Variants in PLXNA2 observed in about 807,000 individuals in gnomAD.
PLXNA2 encodes the protein plexin A2, also known as plexin-A2.
PLXNA2 carries 91 observed loss-of-function variants against 193.5 expected under a neutral mutation model. That is an observed-to-expected ratio of 0.47 (90% CI 0.40 to 0.56). The LOEUF is 0.56. PLXNA2 is among the 20% of genes least tolerant of loss of function. The pLI, the probability that PLXNA2 is intolerant of heterozygous loss-of-function variation, is 0.00. For synonymous variants in PLXNA2, 997 were observed against 1,027.3 expected, an observed-to-expected ratio of 0.97 and a Z score of 0.56; for missense variants, 1,995 against 2,503.2, an observed-to-expected ratio of 0.80 and a Z score of 4.33.
At position 208,033,490 on chromosome 1, in the gene PLXNA2, C is replaced by G; in HGVS notation, c.4884G>C (p.Thr1628=). Residue 1628 remains threonine, a synonymous_variant, in exon 28 of 32, where the codon ACG becomes ACC. Coordinates refer to ENST00000367033, the MANE Select transcript of PLXNA2 (RefSeq NM_025179.4). ...ISRYDSSFRY[T]GSPDSLRSRA... is the part of the protein sequence containing the mutation. ...GGGACCGCAGGCTGTCGGGGCTGCC[C>G]GTATACCTGAAGGAGGAGTCTGAGG... The G allele has an allele frequency of 1.2e-6, 2 of 1,610,426 alleles. No homozygotes were observed. Among genetic ancestry groups the G allele is most frequent in the Non-Finnish European group, 1.7e-6 (2 of 1,177,752 alleles).
At chr1:208,180,649 G>A (rs1407555030) in intron 3 of PLXNA2, among the ~76,000 whole-genome samples, 1 of 152,212 alleles carries the variant, frequency 6.6e-6, no homozygotes. Flanking sequence ...ACTCCGTTTG[G>A]CAGACGAGGA....
intron 12 of PLXNA2, among the ~76,000 whole-genome samples, chr1:208,063,894 C>T (rs1488844456): frequency 6.6e-6 from 1 of 152,202 alleles, no homozygotes; most frequent in East Asian, 1.9e-4. Context: ...AGGCCCCTCT[C>T]CTGAGCTCCA....
intron 13 of PLXNA2, among the ~76,000 whole-genome samples, chr1:208,055,606 G>A (rs1190043402): frequency 7.9e-5 from 12 of 152,090 alleles, no homozygotes; most frequent in Admixed American, 7.9e-4. Flanking sequence ...GCTTAGTGGG[G>A]AGTCAGAAAA....
intron 1 of PLXNA2, among the ~76,000 whole-genome samples, chr1:208,233,144 T>A (rs1671742738): frequency 1.3e-5 from 2 of 152,262 alleles, no homozygotes; most frequent in African/African-American, 4.8e-5. Context: ...TTTGCAATAC[T>A]TATTTGTGAC....
intron 12 of PLXNA2, among the ~76,000 whole-genome samples, chr1:208,067,344 C>T (rs867996975): frequency 8.6e-6 from 1 of 116,310 alleles, no homozygotes; most frequent in African/African-American, 3.4e-5. Context: ...AACTCCGTCT[C>T]AAAAAAAAAA....
intron 3 of PLXNA2, among the ~76,000 whole-genome samples, chr1:208,163,200 G>A (rs1464369102): frequency 6.6e-6 from 1 of 152,070 alleles, no homozygotes; most frequent in East Asian, 1.9e-4. Context: ...GGGATGTAGG[G>A]AGGGATAAAC....
chr1:208,075,921 G>A (rs994860268), intron 12 of PLXNA2, among the ~76,000 whole-genome samples: 3 of 151,980 alleles, frequency 2.0e-5, no homozygotes, highest in Non-Finnish European at 4.4e-5. Flanking sequence ...AGCCAGGCGT[G>A]GTGGTGCATG....
Position 208,029,060 on chromosome 1 carries a change from G to A in PLXNA2, c.5226-18C>T. 1 of 1,609,036 alleles carries A rather than the reference G, an allele frequency of 6.2e-7. No individual in the cohort carries two copies. Reference sequence around the variant, plus strand: ...GAGGGAGGCTGTGGGGAAAGGCAGAGAAGACTTGAGAATGCATGCGGGCCG... The same window carrying A: ...GAGGGAGGCTGTGGGGAAAGGCAGAAAAGACTTGAGAATGCATGCGGGCCG... On this transcript the variant is annotated intron_variant, in intron 29 of 31. Transcript: ENST00000367033.
intron 15 of PLXNA2, 134 bp from the exon 16 acceptor site, chr1:208,051,557 A>G: frequency 1.5e-6 from 1 of 649,170 alleles, no homozygotes; most frequent in Non-Finnish European, 2.7e-6. Context: ...ATATTCTACA[A>G]CAATGGAACA....
intron 3 of PLXNA2, among the ~76,000 whole-genome samples, chr1:208,168,879 TTCTCAGCAGGCACAAGAAGCAGGACC>T (rs1669401874): frequency 1.3e-5 from 2 of 151,888 alleles, no homozygotes; most frequent in Non-Finnish European, 2.9e-5. Flanking sequence ...GAAACAGGAC[TTCTCAGCAGGCACAAGAAGCAGGACC>T]TCTGGGAGTC....
chr1:208,071,637 C>A (rs190454959), intron 12 of PLXNA2, among the ~76,000 whole-genome samples: 24 of 152,328 alleles, frequency 1.6e-4, no homozygotes, highest in Admixed American at 1.1e-3. Context: ...CGGCGTGAAT[C>A]CTTGCTGGCT....
chr1:208,039,956 C>T (rs1471740984), intron 23 of PLXNA2, 36 bp downstream of exon 23: 2 of 1,608,066 alleles, frequency 1.2e-6, no homozygotes, highest in East Asian at 2.2e-5. Flanking sequence ...GCCATCCTGC[C>T]CTGGACGCTA....
chr1:208,057,565 C>A (rs1329722424), intron 13 of PLXNA2, among the ~76,000 whole-genome samples: 1 of 152,152 alleles, frequency 6.6e-6, no homozygotes, highest in Non-Finnish European at 1.5e-5. Flanking sequence ...TGCACCACCA[C>A]CTCCTTCAAG....
intron 3 of PLXNA2, among the ~76,000 whole-genome samples, chr1:208,208,681 G>C (rs942802528): frequency 2.6e-5 from 4 of 152,204 alleles, no homozygotes; most frequent in African/African-American, 9.6e-5. Flanking sequence ...TAGCCTGTGT[G>C]GTTTCTGCTG....
chr1:208,167,617 C>G (rs1002366848), intron 3 of PLXNA2, among the ~76,000 whole-genome samples: 1 of 152,204 alleles, frequency 6.6e-6, no homozygotes, highest in African/African-American at 2.4e-5. Flanking sequence ...TCCCAATATC[C>G]TGTCCCCAGA....
At position 208,210,417 on chromosome 1, in the gene PLXNA2, G is replaced by T; in HGVS notation, c.1234C>A (p.Pro412Thr). ...DNFCGLDINQ[P>T]LGGSTPVEGL... ...TCCACTGGAGTTGAGCCTCCCAGGG[G>T]CTGGTTGATGTCCAGTCCACAGAAG... Residue 412 changes from proline (P) to threonine (T), a missense_variant, in exon 3 of 32, where the codon CCC becomes ACC. Coordinates refer to ENST00000367033, the MANE Select transcript of PLXNA2 (RefSeq NM_025179.4). 2 of 1,613,954 alleles carry T rather than the reference G, an allele frequency of 1.2e-6. No individual in the cohort carries two copies. The highest frequency in any genetic ancestry group is 1.7e-6 in the Non-Finnish European group (2 of 1,179,944).
chr1:208,031,711 T>C lies in PLXNA2; in HGVS notation c.5104A>G (p.Thr1702Ala). 1 of 1,612,596 alleles carries C rather than the reference T, an allele frequency of 6.2e-7. No individual in the cohort carries two copies. The highest frequency in any genetic ancestry group is 1.1e-5 in the South Asian group (1 of 90,942). ...GGGAGAGCGCTGCCCCGGTGCACAG[T>C]GCTGAACAAGGTCTCAAACAAGTCG... ...VDDLFETLFS[T>A]VHRGSALPLA... The change falls in exon 29 of 32, where the codon ACT (threonine) becomes GCT (alanine). Residue 1702 changes from threonine to alanine, a missense_variant. Thr to Ala is a moderately conservative substitution (Grantham distance 58). Coordinates refer to ENST00000367033, the MANE Select transcript of PLXNA2 (RefSeq NM_025179.4).
In PLXNA2 at chr1:208,169,969, C is replaced by T. The variant is rs916498249; in HGVS notation, c.1372-27506G>A. On this transcript the variant is annotated intron_variant, in intron 3 of 31. Coordinates refer to ENST00000367033, the MANE Select transcript of PLXNA2 (RefSeq NM_025179.4). ...TTTTCTAGTCACTGACAACCACAGA[C>T]ACCAGGACCTCCAAGAACTTTCCCA... Among the ~76,000 whole-genome samples, 9 of 152,192 alleles carry T rather than the reference C, an allele frequency of 5.9e-5. 1 individual carries two copies. Among genetic ancestry groups the T allele is most frequent in the Admixed American group, 5.9e-4 (9 of 15,284 alleles).
chr1:208,098,920 C>T lies in PLXNA2; in HGVS notation c.1657G>A (p.Ala553Thr). The change falls in exon 6 of 32, where the codon GCT becomes ACT. Residue 553 changes from alanine (A) to threonine (T), a missense_variant. Physicochemically the swap from Ala to Thr is moderately conservative, Grantham distance 58. Around this residue, in one of 3 missense-constraint regions of PLXNA2, gnomAD observed 702 missense variants for 812.9 expected, o/e 0.86. Coordinates refer to ENST00000367033, the MANE Select transcript of PLXNA2 (RefSeq NM_025179.4). ...CQQAWEPNRF[A>T]ASISQCVSLA... ...CTCACACACTGGCTGATGCTGGCAG[C>T]AAATCGATTAGGTTCCCAGGCCTGT... is the stretch of plus-strand genomic sequence containing the variant. 1 of 1,613,742 alleles carries T rather than the reference C, an allele frequency of 6.2e-7. No homozygotes were observed. The highest frequency in any genetic ancestry group is 8.5e-7 in the Non-Finnish European group (1 of 1,179,966).
Sources: gnomAD v4.1 joint callset for allele counts (sites outside exome capture counted in the v4.1 genomes callset) on GRCh38, gnomAD v4.1.1 for gene constraint, gnomAD v4.1.1 regional missense constraint, MANE v1.5 for transcripts, NCBI Gene and HGNC (gene_info 2026-07-23, HGNC 2026-07-21) for gene names.